IGF2R: variants seen among roughly 807,000 people sequenced by gnomAD.
IGF2R encodes insulin like growth factor 2 receptor.
IGF2R carries 91 observed loss-of-function variants against 270.6 expected under a neutral mutation model. That is an observed-to-expected ratio of 0.34 (90% CI 0.28 to 0.40). IGF2R has a LOEUF of 0.40. Among genes scored for constraint, IGF2R ranks in the 10% least tolerant of loss-of-function variants. IGF2R has a pLI of 1.00. For synonymous variants in IGF2R, 1,316 were observed against 1,258.9 expected, an observed-to-expected ratio of 1.05 and a Z score of -0.96; for missense variants, 2,805 against 3,188.3, an observed-to-expected ratio of 0.88 and a Z score of 2.90.
rs1303207489 is a variant in IGF2R at position 159,976,604 on chromosome 6, G to GT, written c.149+7212dup. 4.0e-5 allele frequency among the ~76,000 whole-genome samples: 6 copies of GT among 150,668 alleles called. No individual in the cohort carries two copies. The East Asian group carries it at 1.2e-3, about 29-fold the overall frequency. ...TTAAGAAATATATTTAAAGCTTCAT[G>GT]TTTCTTTCTTCGGAGTACCATACCA... On this transcript the variant is annotated intron_variant, in intron 1 of 47. Transcript: ENST00000356956.
intron 2 of IGF2R, among the ~76,000 whole-genome samples, chr6:159,995,931 G>T (rs1181364105): frequency 7.8e-5 from 9 of 115,312 alleles, no homozygotes; most frequent in East Asian, 5.5e-4. Context: ...TTCTAGAGTT[G>T]TTACTCTGTT....
intron 41 of IGF2R, 124 bp downstream of exon 41, chr6:160,085,255 C>T: frequency 9.9e-7 from 1 of 1,007,050 alleles, no homozygotes; most frequent in Non-Finnish European, 1.5e-6. Flanking sequence ...GATATGATTG[C>T]CTGTCACTGT....
At chr6:160,012,765 T>TATATAAATATATATATATATA in intron 4 of IGF2R, among the ~76,000 whole-genome samples, 1 of 76,584 alleles carries the variant, frequency 1.3e-5, no homozygotes. Flanking sequence ...ATATATATAT[T>TATATAAATATATATATATATA]TTTTTTTTTT....
chr6:160,013,002 C>G (rs986355623), intron 4 of IGF2R, among the ~76,000 whole-genome samples: 1 of 151,878 alleles, frequency 6.6e-6, no homozygotes, highest in African/African-American at 2.4e-5. Context: ...GCTGCGGTGA[C>G]AGTGGTGCCC....
intron 2 of IGF2R, among the ~76,000 whole-genome samples, chr6:159,992,284 A>G (rs1386054161): frequency 6.6e-6 from 1 of 152,142 alleles, no homozygotes; most frequent in Non-Finnish European, 1.5e-5. Flanking sequence ...ACATGGATAT[A>G]TTGCATAGTT....
intron 4 of IGF2R, among the ~76,000 whole-genome samples, chr6:160,020,054 A>G (rs1163708950): frequency 6.6e-6 from 1 of 152,164 alleles, no homozygotes; most frequent in African/African-American, 2.4e-5. Flanking sequence ...ATACCTAGAA[A>G]ACTCTAAAGT....
At chr6:160,060,496 C>T (rs375977357) in intron 22 of IGF2R, 51 bp from the exon 23 acceptor site, 43 of 1,577,316 alleles carry the variant, frequency 2.7e-5, no homozygotes, top group African/African-American at 9.5e-5. Context: ...TTGTGGGCTG[C>T]GCCATGAATA....
At chr6:160,081,133 A>G (rs1487878800) in intron 39 of IGF2R, among the ~76,000 whole-genome samples, 1 of 151,974 alleles carries the variant, frequency 6.6e-6, no homozygotes, top group Non-Finnish European at 1.5e-5. Context: ...CTCAAAAAAA[A>G]AAAAAAGAAA....
chr6:160,021,920 A>T (rs1052702675), intron 4 of IGF2R, among the ~76,000 whole-genome samples: 1 of 152,190 alleles, frequency 6.6e-6, no homozygotes, highest in Non-Finnish European at 1.5e-5. Flanking sequence ...TGTCAAAGAG[A>T]TACGTGCACT....
intron 33 of IGF2R, 65 bp from the exon 34 acceptor site, chr6:160,073,148 T>G: frequency 6.3e-7 from 1 of 1,584,284 alleles, no homozygotes; most frequent in Non-Finnish European, 8.6e-7. Flanking sequence ...TTGCGAAAGT[T>G]CTCATCAGAA....
At chr6:159,986,402 T>TTG (rs56105769) in intron 1 of IGF2R, among the ~76,000 whole-genome samples, 17,620 of 131,818 alleles carry the variant, frequency 0.13, 1,426 homozygotes, top group Middle Eastern at 0.19. Context: ...TGGCTAATTT[T>TTG]TGTGTGTGTG....
chr6:159,975,652 G>GA (rs59179498), intron 1 of IGF2R, among the ~76,000 whole-genome samples: 3,378 of 138,492 alleles, frequency 0.024, 42 homozygotes, highest in Non-Finnish European at 0.037. Flanking sequence ...AACCAGATGG[G>GA]AAAAAAAAAC....
chr6:160,065,027 C>T, intron 29 of IGF2R, 126 bp downstream of exon 29: 2 of 669,634 alleles, frequency 3.0e-6, no homozygotes, highest in Admixed American at 2.4e-5. Context: ...TCGGTTTGCT[C>T]ATATTAAAAT....
chr6:160,061,142 A>C (rs1778430345), intron 23 of IGF2R, among the ~76,000 whole-genome samples: 2 of 152,296 alleles, frequency 1.3e-5, no homozygotes, highest in South Asian at 2.1e-4. Flanking sequence ...GCTCTGCAAC[A>C]GTGGTACTTC....
chr6:160,097,336 T>G (rs115809568), intron 45 of IGF2R, among the ~76,000 whole-genome samples: 1,629 of 152,330 alleles, frequency 0.011, 30 homozygotes, highest in African/African-American at 0.037. Context: ...TTATTTTTAT[T>G]TTTTATTTTT....
chr6:159,969,915 C>T (rs1195889256), intron 1 of IGF2R, among the ~76,000 whole-genome samples: 1 of 151,996 alleles, frequency 6.6e-6, no homozygotes, highest in Non-Finnish European at 1.5e-5. Context: ...GATTTCCCCC[C>T]GTGGGCTCAT....
chr6:160,038,824 C>T (rs1310632533), intron 10 of IGF2R, among the ~76,000 whole-genome samples: 56 of 152,104 alleles, frequency 3.7e-4, no homozygotes, highest in Non-Finnish European at 5.9e-5. Context: ...ACAAAAAACA[C>T]AGGAGAGAAA....
intron 6 of IGF2R, among the ~76,000 whole-genome samples, chr6:160,028,110 T>C (rs920268853): frequency 6.6e-6 from 1 of 152,238 alleles, no homozygotes; most frequent in African/African-American, 2.4e-5. Context: ...CTGGGTAGCT[T>C]AAACCACAGA....
intron 1 of IGF2R, among the ~76,000 whole-genome samples, chr6:159,981,919 C>G (rs956746100): frequency 6.6e-6 from 1 of 152,208 alleles, no homozygotes; most frequent in African/African-American, 2.4e-5. Flanking sequence ...CAGGGAAAAC[C>G]AAAGGCTGAC....
Sources: allele counts gnomAD v4.1 joint callset (sites outside exome capture counted in the v4.1 genomes callset), GRCh38; gene constraint gnomAD v4.1.1; transcripts MANE v1.5; gene names NCBI Gene and HGNC (gene_info 2026-07-23, HGNC 2026-07-21).